CSMD3: variants seen among roughly 807,000 people sequenced by gnomAD.
CSMD3 encodes the protein CUB and Sushi multiple domains 3.
Under a neutral mutation model 435.2 loss-of-function variants are expected in CSMD3, and 177 were observed. The observed-to-expected ratio is 0.41, with a 90% CI of 0.36 to 0.46. CSMD3 has a LOEUF of 0.46. Ranked by LOEUF, CSMD3 falls within the 20% of genes least tolerant of loss-of-function variation. The pLI is 0.34. For missense variants in CSMD3, 4,265 were observed against 4,504.6 expected, an observed-to-expected ratio of 0.95 and a Z score of 1.52; for synonymous variants, 1,656 against 1,520.5, an observed-to-expected ratio of 1.09 and a Z score of -2.07.
chr8:112,333,526 G>T (rs1398488541), intron 45 of CSMD3, among the ~76,000 whole-genome samples: 1 of 152,076 alleles, frequency 6.6e-6, no homozygotes, highest in East Asian at 1.9e-4. Context: ...AAGCCCACTT[G>T]CAAAAGTCAA....
intron 22 of CSMD3, among the ~76,000 whole-genome samples, chr8:112,618,542 C>A (rs896351783): frequency 6.6e-6 from 1 of 151,956 alleles, no homozygotes; most frequent in African/African-American, 2.4e-5. Context: ...TTAAAAAATT[C>A]TTCTTAGATA....
At chr8:113,209,960 T>G (rs1411707540) in intron 3 of CSMD3, among the ~76,000 whole-genome samples, 1 of 151,432 alleles carries the variant, frequency 6.6e-6, no homozygotes, top group Non-Finnish European at 1.5e-5. Context: ...TTTAAAACAA[T>G]TGACTCTGTT....
chr8:112,760,595 C>T (rs1464109428), intron 13 of CSMD3, among the ~76,000 whole-genome samples: 1 of 152,132 alleles, frequency 6.6e-6, no homozygotes, highest in East Asian at 1.9e-4. Context: ...ATTAAATTAA[C>T]AGTGCATATT....
chr8:113,205,918 A>G (rs1273274974), intron 3 of CSMD3, among the ~76,000 whole-genome samples: 1 of 150,894 alleles, frequency 6.6e-6, no homozygotes, highest in African/African-American at 2.5e-5. Context: ...AGTTATAATC[A>G]TCTTTTTTTT....
At chr8:112,339,562 C>T (rs1278914857) in intron 42 of CSMD3, among the ~76,000 whole-genome samples, 1 of 151,986 alleles carries the variant, frequency 6.6e-6, no homozygotes, top group Non-Finnish European at 1.5e-5. Flanking sequence ...GCGTTTTGTC[C>T]AATTCTTTGT....
At chr8:113,048,100 T>TTTTG in intron 5 of CSMD3, among the ~76,000 whole-genome samples, 1 of 149,386 alleles carries the variant, frequency 6.7e-6, no homozygotes, top group African/African-American at 2.5e-5. Flanking sequence ...TTTTTTTTTT[T>TTTTG]TTTTGAGACC....
At chr8:112,466,983 A>T (rs906165719) in intron 32 of CSMD3, among the ~76,000 whole-genome samples, 1 of 152,190 alleles carries the variant, frequency 6.6e-6, no homozygotes, top group Admixed American at 6.5e-5. Context: ...GAGAAATAAG[A>T]AAGATAGTGG....
At chr8:112,463,299 T>C (rs1170075544) in intron 32 of CSMD3, among the ~76,000 whole-genome samples, 2 of 151,902 alleles carry the variant, frequency 1.3e-5, no homozygotes, top group East Asian at 1.9e-4. Flanking sequence ...GAGGCAGAGG[T>C]TGCAGTGAGC....
At position 112,739,195 on chromosome 8, in the gene CSMD3, A is replaced by T. The variant is rs187107683; in HGVS notation, c.1973-49145T>A. Among the ~76,000 whole-genome samples the T allele has an allele frequency of 6.6e-5, 10 of 151,754 alleles. No individual in the cohort carries two copies. In the East Asian group the frequency reaches 1.9e-3, roughly 29 times the overall value. On this transcript the variant is annotated intron_variant, in intron 13 of 70. Coordinates refer to ENST00000297405, the MANE Select transcript of CSMD3 (RefSeq NM_198123.2). ...AAAATAATAGAATTTGAAATAGAAA[A>T]CCCACTCTTTGAAATTCTATATTTA...
intron 1 of CSMD3, among the ~76,000 whole-genome samples, chr8:113,414,097 A>G (rs143085427): frequency 2.6e-5 from 4 of 152,270 alleles, no homozygotes; most frequent in African/African-American, 9.6e-5. Context: ...TTTGGGAAAT[A>G]TTTAGGATGG....
chr8:113,044,788 T>C (rs1284365641), intron 5 of CSMD3, among the ~76,000 whole-genome samples: 1 of 149,148 alleles, frequency 6.7e-6, no homozygotes, highest in African/African-American at 2.4e-5. Context: ...AAATATCCTT[T>C]GCATTTTATT....
intron 18 of CSMD3, among the ~76,000 whole-genome samples, chr8:112,655,402 A>G (rs767539119): frequency 7.9e-5 from 12 of 152,122 alleles, no homozygotes; most frequent in Non-Finnish European, 1.6e-4. Flanking sequence ...CATGATGAAA[A>G]TGTACACATA....
At chr8:112,832,124 A>G (rs1303193937) in intron 11 of CSMD3, among the ~76,000 whole-genome samples, 1 of 152,220 alleles carries the variant, frequency 6.6e-6, no homozygotes, top group African/African-American at 2.4e-5. Context: ...AATATTAATG[A>G]CACAAGCTCA....
intron 13 of CSMD3, among the ~76,000 whole-genome samples, chr8:112,781,657 A>G (rs1238456433): frequency 6.6e-6 from 1 of 152,076 alleles, no homozygotes; most frequent in East Asian, 1.9e-4. Flanking sequence ...CTGTGACCCA[A>G]CATAGCCCCA....
At chr8:113,239,798 C>A (rs1003808794) in intron 3 of CSMD3, among the ~76,000 whole-genome samples, 1 of 151,990 alleles carries the variant, frequency 6.6e-6, no homozygotes, top group Non-Finnish European at 1.5e-5. Context: ...GGAGAGAAAG[C>A]CTCTATTTTC....
chr8:112,405,581 G>A (rs1239289491), intron 35 of CSMD3, among the ~76,000 whole-genome samples: 1 of 151,626 alleles, frequency 6.6e-6, no homozygotes, highest in East Asian at 1.9e-4. Context: ...ACCAATGCAA[G>A]TTAGATATAC....
chr8:112,981,889 C>A (rs946776689), intron 6 of CSMD3, among the ~76,000 whole-genome samples: 1 of 151,602 alleles, frequency 6.6e-6, no homozygotes, highest in African/African-American at 2.4e-5. Context: ...CAAAACAATA[C>A]GTACACATAA....
intron 22 of CSMD3, among the ~76,000 whole-genome samples, chr8:112,607,647 G>T (rs1009728890): frequency 6.6e-6 from 1 of 152,064 alleles, no homozygotes; most frequent in Admixed American, 6.6e-5. Context: ...GATGCAATAT[G>T]TTTCAGTTTA....
intron 9 of CSMD3, among the ~76,000 whole-genome samples, chr8:112,944,303 C>T (rs1423939083): frequency 6.6e-6 from 1 of 151,606 alleles, no homozygotes; most frequent in Non-Finnish European, 1.5e-5. Context: ...ACTTCTCTGT[C>T]TTCCTTTCTA....
Sources: allele counts gnomAD v4.1 joint callset (sites outside exome capture counted in the v4.1 genomes callset), GRCh38; gene constraint gnomAD v4.1.1; transcripts MANE v1.5; gene names NCBI Gene and HGNC (gene_info 2026-07-23, HGNC 2026-07-21).